The following PRKCA variants were observed in gnomAD, a reference collection of about 807,000 sequenced individuals.
PRKCA encodes protein kinase C alpha type.
In PRKCA, 27 loss-of-function variants were observed where a neutral mutation model predicts 87.0. That is an observed-to-expected ratio of 0.31 (90% CI 0.23 to 0.43). The LOEUF is 0.43. PRKCA is among the 20% of genes least tolerant of loss of function. PRKCA has a pLI of 1.00. For missense variants in PRKCA, 518 were observed against 852.3 expected, an observed-to-expected ratio of 0.61 and a Z score of 4.88; for synonymous variants, 329 against 311.1, an observed-to-expected ratio of 1.06 and a Z score of -0.61.
chr17:66,799,331 GTGA>G, intron 16 of PRKCA, among the ~76,000 whole-genome samples: 17 of 58,220 alleles, frequency 2.9e-4, no homozygotes, highest in Middle Eastern at 0.028. Context: ...GGTGGTGGTG[GTGA>G]TGGTGGTGGT....
At chr17:66,375,627 T>C (rs1909375286) in intron 2 of PRKCA, among the ~76,000 whole-genome samples, 1 of 152,240 alleles carries the variant, frequency 6.6e-6, no homozygotes, top group Non-Finnish European at 1.5e-5. Flanking sequence ...ATTAGAGTTC[T>C]GGGGGCAGTT....
At chr17:66,394,915 C>A (rs1170343649) in intron 2 of PRKCA, among the ~76,000 whole-genome samples, 3 of 152,194 alleles carry the variant, frequency 2.0e-5, no homozygotes, top group Non-Finnish European at 4.4e-5. Flanking sequence ...CCATGCTGAA[C>A]TGTGGGTCGG....
intron 5 of PRKCA, among the ~76,000 whole-genome samples, chr17:66,671,953 T>C (rs1972198553): frequency 2.0e-5 from 3 of 152,264 alleles, no homozygotes; most frequent in South Asian, 2.1e-4. Flanking sequence ...GTCTAAACAT[T>C]TGGAGGAAAA....
chr17:66,691,963 A>G (rs1240994416), intron 8 of PRKCA, among the ~76,000 whole-genome samples: 1 of 152,262 alleles, frequency 6.6e-6, no homozygotes, highest in Non-Finnish European at 1.5e-5. Context: ...TAAAGGTCAG[A>G]GTTCTAAACA....
chr17:66,808,654 CT>C lies in PRKCA; in HGVS notation c.*4618del, dbSNP rs1276200155. ...ACAGTCACCAGGAAGGACAAGGGTGCTCTGTTGTTAGTGGCCACACACCAAT... is the reference window on the plus strand; with the variant it reads ...ACAGTCACCAGGAAGGACAAGGGTGCCTGTTGTTAGTGGCCACACACCAAT... On this transcript the variant is annotated 3_prime_UTR_variant, in exon 17 of 17. Coordinates refer to ENST00000413366, the MANE Select transcript of PRKCA (RefSeq NM_002737.3). The C allele has an allele frequency of 2.0e-5, 3 of 152,318 alleles. No homozygotes were observed. Among genetic ancestry groups the C allele is most frequent in the Non-Finnish European group, 4.4e-5 (3 of 68,062 alleles). 9.4% of individuals were successfully genotyped at this position (152,318 alleles called of 1,614,324 possible).
At chr17:66,760,374 C>T in intron 13 of PRKCA, among the ~76,000 whole-genome samples, 1 of 152,234 alleles carries the variant, frequency 6.6e-6, no homozygotes. Flanking sequence ...GTAGATACGA[C>T]TTATCAAATG....
At chr17:66,574,117 C>T (rs1021588784) in intron 3 of PRKCA, among the ~76,000 whole-genome samples, 14 of 152,120 alleles carry the variant, frequency 9.2e-5, no homozygotes, top group African/African-American at 3.4e-4. Context: ...ATGGCCTATA[C>T]GTTGATATGG....
At chr17:66,524,174 A>G (rs1168643490) in intron 3 of PRKCA, among the ~76,000 whole-genome samples, 1 of 152,106 alleles carries the variant, frequency 6.6e-6, no homozygotes, top group Admixed American at 6.5e-5. Flanking sequence ...CAACAAAAAC[A>G]TTTACTGCAC....
chr17:66,666,194 G>A (rs2143927272), intron 5 of PRKCA, among the ~76,000 whole-genome samples: 1 of 152,318 alleles, frequency 6.6e-6, no homozygotes, highest in Non-Finnish European at 1.5e-5. Flanking sequence ...CTTTGGGAGT[G>A]CCTTCTCCCC....
chr17:66,645,853 G>A (rs536888095), intron 5 of PRKCA, among the ~76,000 whole-genome samples: 6 of 152,304 alleles, frequency 3.9e-5, no homozygotes, highest in Non-Finnish European at 8.8e-5. Context: ...CTGTTGGAGG[G>A]AATGGAACTA....
intron 2 of PRKCA, among the ~76,000 whole-genome samples, chr17:66,452,960 C>A (rs72838290): frequency 2.5e-4 from 38 of 152,338 alleles, no homozygotes; most frequent in South Asian, 1.0e-3. Flanking sequence ...GTTTGAACCC[C>A]CATTGAGCTT....
intron 2 of PRKCA, among the ~76,000 whole-genome samples, chr17:66,432,767 A>G (rs1040676205): frequency 1.3e-5 from 2 of 152,138 alleles, no homozygotes; most frequent in Admixed American, 6.5e-5. Context: ...TGCACTGAGC[A>G]GGTCAGATTT....
intron 13 of PRKCA, among the ~76,000 whole-genome samples, chr17:66,750,602 G>A (rs1974406792): frequency 6.6e-6 from 1 of 152,144 alleles, no homozygotes; most frequent in South Asian, 2.1e-4. Flanking sequence ...CTGCGATATT[G>A]TGGTCTATGA....
At chr17:66,785,729 T>C (rs1315742083) in intron 14 of PRKCA, among the ~76,000 whole-genome samples, 1 of 152,240 alleles carries the variant, frequency 6.6e-6, no homozygotes, top group Non-Finnish European at 1.5e-5. Flanking sequence ...TCTTAAATAA[T>C]AATACTGCTA....
chr17:66,370,544 C>CT (rs1909036293), intron 2 of PRKCA, among the ~76,000 whole-genome samples: 1 of 134,156 alleles, frequency 7.5e-6, no homozygotes, highest in African/African-American at 2.8e-5. Flanking sequence ...TTTTTCTTTT[C>CT]TTTTCTTTTT....
intron 3 of PRKCA, among the ~76,000 whole-genome samples, chr17:66,520,747 A>G (rs1840828182): frequency 6.6e-6 from 1 of 152,126 alleles, no homozygotes; most frequent in African/African-American, 2.4e-5. Context: ...TCTACTCTAT[A>G]TTCTTCATTC....
chr17:66,415,743 T>C (rs1912102076), intron 2 of PRKCA: 1 of 124,556 alleles, frequency 8.0e-6, no homozygotes, highest in South Asian at 3.4e-4. Flanking sequence ...GGTTGGGCGA[T>C]AGGGACTTTG....
intron 13 of PRKCA, among the ~76,000 whole-genome samples, chr17:66,753,405 GGCAGTGGGAC>G (rs1180351765): frequency 3.3e-5 from 5 of 152,210 alleles, no homozygotes; most frequent in African/African-American, 9.6e-5. Context: ...TGTTTTCAGG[GGCAGTGGGAC>G]GCAGTTAGAC....
chr17:66,478,101 A>G (rs970380341), intron 2 of PRKCA, among the ~76,000 whole-genome samples: 11 of 152,198 alleles, frequency 7.2e-5, no homozygotes, highest in African/African-American at 2.7e-4. Context: ...TTAAAGGGGA[A>G]GGAGGAAGAA....
Sources: allele counts gnomAD v4.1 joint callset (sites outside exome capture counted in the v4.1 genomes callset), GRCh38; gene constraint gnomAD v4.1.1; transcripts MANE v1.5; gene names NCBI Gene and HGNC (gene_info 2026-07-23, HGNC 2026-07-21).